The following PLCL1 variants were observed in gnomAD, a reference collection of about 807,000 sequenced individuals.
The protein encoded by PLCL1 is inactive phospholipase C-like protein 1.
PLCL1 carries 41 observed loss-of-function variants against 84.4 expected under a neutral mutation model. The observed-to-expected ratio is 0.49, with a 90% CI of 0.38 to 0.63. PLCL1 has a LOEUF of 0.63. PLCL1 is among the 30% of genes least tolerant of loss of function. The probability of loss-of-function intolerance (pLI) is 0.00; values close to 1 mark genes in which losing one functional copy is unlikely to be tolerated. For synonymous variants in PLCL1, 490 were observed against 488.3 expected (o/e 1.00, Z -0.05); for missense variants, 1,206 against 1,367.8 (o/e 0.88, Z 1.87).
chr2:198,129,578 C>T (rs373334487), intron 5 of PLCL1, among the ~76,000 whole-genome samples: 1 of 152,170 alleles, frequency 6.6e-6, no homozygotes, highest in African/African-American at 2.4e-5. Context: ...GCCACATGTT[C>T]TCAGGACCTC....
At chr2:198,055,811 A>G (rs1692057820) in intron 1 of PLCL1, among the ~76,000 whole-genome samples, 1 of 152,180 alleles carries the variant, frequency 6.6e-6, no homozygotes, top group African/African-American at 2.4e-5. Flanking sequence ...ATAAAATCAC[A>G]TTTATTTGTA....
chr2:197,988,579 T>C (rs1011738110), intron 1 of PLCL1, among the ~76,000 whole-genome samples: 3 of 152,206 alleles, frequency 2.0e-5, no homozygotes, highest in African/African-American at 7.2e-5. Context: ...CTGAGTAGTA[T>C]TCCATGGTGT....
At chr2:197,986,201 G>A (rs755077841) in intron 1 of PLCL1, among the ~76,000 whole-genome samples, 8 of 152,108 alleles carry the variant, frequency 5.3e-5, no homozygotes, top group Admixed American at 1.3e-4. Context: ...ATTGTAACCC[G>A]ATATTACTAT....
intron 1 of PLCL1, among the ~76,000 whole-genome samples, chr2:198,003,291 T>G (rs1690649814): frequency 6.6e-6 from 1 of 152,228 alleles, no homozygotes; most frequent in Non-Finnish European, 1.5e-5. Flanking sequence ...TTGTGCTAAC[T>G]TAGTCTTTAT....
At chr2:197,847,088 G>A (rs1678398739) in intron 1 of PLCL1, among the ~76,000 whole-genome samples, 1 of 152,058 alleles carries the variant, frequency 6.6e-6, no homozygotes, top group South Asian at 2.1e-4. Flanking sequence ...AGTGAGAAAA[G>A]CTGTATTTCT....
At chr2:197,962,523 A>T (rs1689644696) in intron 1 of PLCL1, among the ~76,000 whole-genome samples, 1 of 152,096 alleles carries the variant, frequency 6.6e-6, no homozygotes, top group African/African-American at 2.4e-5. Context: ...GTACAGGCAC[A>T]CATGCCTAAT....
intron 1 of PLCL1, among the ~76,000 whole-genome samples, chr2:197,986,775 A>G (rs895475425): frequency 2.6e-5 from 4 of 152,194 alleles, no homozygotes; most frequent in Non-Finnish European, 4.4e-5. Flanking sequence ...TTTCTCCTTA[A>G]TTGATCTTTG....
Position 198,086,140 on chromosome 2 carries a change from C to A in PLCL1, c.2623C>A (p.Leu875Ile). The A allele has an allele frequency of 6.2e-7, 1 of 1,613,534 alleles. No individual in the cohort carries two copies. The highest frequency in any genetic ancestry group is 1.1e-5 in the South Asian group (1 of 91,064). The change falls in exon 2 of 6, where the codon CTC (leucine) becomes ATC (isoleucine). Residue 875 changes from leucine (L) to isoleucine (I), a missense_variant. Leu to Ile is a conservative substitution (Grantham distance 5). Transcript: ENST00000428675. Reference sequence around the variant, plus strand: ...GAAGAAAGTTCGGGAATATACCATGCTCAGGAATATCGGTCTTAAAACCAT... The same window carrying A: ...GAAGAAAGTTCGGGAATATACCATGATCAGGAATATCGGTCTTAAAACCAT... ...MGKKVREYTM[L>I]RNIGLKTIDD...
At chr2:198,109,529 C>T (rs889110817) in intron 5 of PLCL1, among the ~76,000 whole-genome samples, 18 of 151,896 alleles carry the variant, frequency 1.2e-4, no homozygotes, top group African/African-American at 2.7e-4. Context: ...ACTTCACTTA[C>T]GTAGCCAACA....
At chr2:197,857,175 T>G (rs753178747) in intron 1 of PLCL1, among the ~76,000 whole-genome samples, 3 of 151,992 alleles carry the variant, frequency 2.0e-5, no homozygotes, top group Non-Finnish European at 4.4e-5. Context: ...GAATGAACTT[T>G]TTTTTTTTTA....
At chr2:197,907,836 C>T (rs969944422) in intron 1 of PLCL1, among the ~76,000 whole-genome samples, 22 of 152,146 alleles carry the variant, frequency 1.4e-4, no homozygotes, top group African/African-American at 5.1e-4. Context: ...CTGCTAATGC[C>T]TGGTCTATCC....
intron 1 of PLCL1, among the ~76,000 whole-genome samples, chr2:197,843,419 C>T (rs571801554): frequency 4.5e-4 from 69 of 152,270 alleles, no homozygotes; most frequent in Non-Finnish European, 8.8e-4. Flanking sequence ...ATTACCATAT[C>T]ACTTTAGATA....
intron 1 of PLCL1, among the ~76,000 whole-genome samples, chr2:197,867,796 C>A (rs926755213): frequency 6.6e-6 from 1 of 152,120 alleles, no homozygotes; most frequent in African/African-American, 2.4e-5. Flanking sequence ...TGTCCCCAAC[C>A]AGACGTCCTT....
intron 5 of PLCL1, among the ~76,000 whole-genome samples, chr2:198,131,326 A>T (rs1289020877): frequency 6.6e-6 from 1 of 152,170 alleles, no homozygotes; most frequent in Non-Finnish European, 1.5e-5. Flanking sequence ...CATCTTCAAC[A>T]GAGTTAGGTA....
At chr2:198,006,110 C>T (rs1159452793) in intron 1 of PLCL1, among the ~76,000 whole-genome samples, 1 of 152,066 alleles carries the variant, frequency 6.6e-6, no homozygotes, top group African/African-American at 2.4e-5. Flanking sequence ...CAGTTTCTTC[C>T]CTTCTAGGGA....
At chr2:198,106,476 G>T (rs913508400) in intron 5 of PLCL1, among the ~76,000 whole-genome samples, 2 of 151,874 alleles carry the variant, frequency 1.3e-5, no homozygotes, top group African/African-American at 4.8e-5. Context: ...TTAAGGAGCA[G>T]GGATGACCTA....
chr2:197,921,766 A>G (rs12619300), intron 1 of PLCL1, among the ~76,000 whole-genome samples: 2 of 152,126 alleles, frequency 1.3e-5, no homozygotes, highest in Non-Finnish European at 2.9e-5. Context: ...CTTTTCTGAA[A>G]TATCAGAAAA....
At chr2:197,999,060 A>C (rs1690536135) in intron 1 of PLCL1, among the ~76,000 whole-genome samples, 1 of 152,202 alleles carries the variant, frequency 6.6e-6, no homozygotes, top group Non-Finnish European at 1.5e-5. Context: ...GCTCAAGACC[A>C]TAAGCTGGCA....
At chr2:198,123,864 A>G (rs1693927208) in intron 5 of PLCL1, among the ~76,000 whole-genome samples, 1 of 152,072 alleles carries the variant, frequency 6.6e-6, no homozygotes, top group East Asian at 1.9e-4. Context: ...TCTGAGGTGG[A>G]ACAGTTTCAT....
Sources: gnomAD v4.1 joint callset for allele counts (sites outside exome capture counted in the v4.1 genomes callset) on GRCh38, gnomAD v4.1.1 for gene constraint, MANE v1.5 for transcripts, NCBI Gene and HGNC (gene_info 2026-07-23, HGNC 2026-07-21) for gene names.